The following NT5C3A variants were observed in gnomAD, a reference collection of about 807,000 sequenced individuals.
NT5C3A encodes the protein cytosolic 5'-nucleotidase 3A.
Under a neutral mutation model 40.0 loss-of-function variants are expected in NT5C3A, and 23 were observed. The observed-to-expected ratio is 0.58, with a 90% CI of 0.41 to 0.81. NT5C3A has a LOEUF of 0.81. NT5C3A is among the 40% of genes least tolerant of loss of function. The pLI is 0.00. For synonymous variants in NT5C3A, 130 were observed against 141.4 expected (o/e 0.92, Z 0.57); for missense variants, 328 against 403.0 (o/e 0.81, Z 1.59).
rs1188680099 is a variant in NT5C3A, at chr7:33,062,627, C to A, written c.79G>T (p.Ala27Ser). 5.6e-6 allele frequency: 9 copies of A among 1,605,860 alleles called. No individual in the cohort carries two copies. The highest frequency in any genetic ancestry group is 7.6e-6 in the Non-Finnish European group (9 of 1,177,058). ...VCALVAGVVL[A>S]QYIFTLKRKT... ...CTCTTCAAGGTGAATATGTACTGAGCCAGCACCACCCCCGCCACCAGGGCG... is the reference window on the plus strand; with the variant it reads ...CTCTTCAAGGTGAATATGTACTGAGACAGCACCACCCCCGCCACCAGGGCG... Residue 27 changes from alanine to serine, a missense_variant, in exon 1 of 9, where the codon GCT becomes TCT. By Grantham distance (99) the Ala-to-Ser change is moderately conservative. Coordinates refer to ENST00000610140, the MANE Select transcript of NT5C3A (RefSeq NM_001002010.5).
chr7:33,050,612 C>T (rs978077660), intron 1 of NT5C3A, among the ~76,000 whole-genome samples: 1 of 152,218 alleles, frequency 6.6e-6, no homozygotes, highest in African/African-American at 2.4e-5. Flanking sequence ...ATCTTGCAAG[C>T]ACTGGCTCTC....
chr7:33,016,678 A>G (rs1046248246), intron 7 of NT5C3A, among the ~76,000 whole-genome samples: 2 of 151,824 alleles, frequency 1.3e-5, no homozygotes, highest in Non-Finnish European at 2.9e-5. Context: ...TCAAAAAAAA[A>G]AAAAAAAAAG....
At chr7:33,047,618 T>C (rs977730250) in intron 1 of NT5C3A, among the ~76,000 whole-genome samples, 1 of 152,092 alleles carries the variant, frequency 6.6e-6, no homozygotes, top group Non-Finnish European at 1.5e-5. Context: ...TAAACAATCT[T>C]GATTTAAAAC....
At chr7:33,051,442 G>A (rs982565078) in intron 1 of NT5C3A, among the ~76,000 whole-genome samples, 6 of 152,156 alleles carry the variant, frequency 3.9e-5, no homozygotes, top group African/African-American at 1.4e-4. Context: ...GATTATAGGC[G>A]TTAGCTACCA....
intron 1 of NT5C3A, chr7:33,029,565 T>A: frequency 3.6e-6 from 3 of 836,374 alleles, no homozygotes; most frequent in Non-Finnish European, 5.2e-6. Flanking sequence ...AGGATATATA[T>A]CATAGACTAT....
intron 1 of NT5C3A, among the ~76,000 whole-genome samples, chr7:33,032,440 A>AATAAT (rs1554291429): frequency 6.7e-5 from 10 of 149,702 alleles, no homozygotes; most frequent in Non-Finnish European, 1.3e-4. Flanking sequence ...AAAAAAAAAA[A>AATAAT]AATTTACTTT....
intron 1 of NT5C3A, among the ~76,000 whole-genome samples, chr7:33,057,108 C>T (rs773819892): frequency 6.6e-5 from 10 of 152,244 alleles, no homozygotes; most frequent in East Asian, 1.9e-4. Flanking sequence ...CCACCGCACC[C>T]GGCCCTTTTT....
chr7:33,014,689 A>G lies in NT5C3A; in HGVS notation c.*41T>C, dbSNP rs756269845. On this transcript the variant is annotated 3_prime_UTR_variant, in exon 9 of 9. Coordinates refer to ENST00000610140, the MANE Select transcript of NT5C3A (RefSeq NM_001002010.5). ...GCAAGATGAACGGATGAACAGTTCA[A>G]TTGCACCCACAGGAGAGAGGTCTTC... The G allele has an allele frequency of 7.5e-6, 12 of 1,592,612 alleles. No individual in the cohort carries two copies. In the East Asian group the frequency reaches 2.0e-4, roughly 27 times the overall value.
chr7:33,033,717 A>C (rs6462449), intron 1 of NT5C3A, among the ~76,000 whole-genome samples: 109,821 of 151,584 alleles, frequency 0.72, 40,061 homozygotes, highest in African/African-American at 0.79. Flanking sequence ...GGAGGAATCA[A>C]AGTGCAGGGT....
intron 6 of NT5C3A, among the ~76,000 whole-genome samples, chr7:33,018,222 GA>G (rs765653592): frequency 3.9e-5 from 6 of 152,132 alleles, no homozygotes; most frequent in Non-Finnish European, 7.3e-5. Context: ...TATGAAGAAT[GA>G]CTTGATATTC....
In NT5C3A at chr7:33,062,600, T is replaced by C; in HGVS notation, c.106A>G (p.Lys36Glu). 6.2e-7 allele frequency: 1 copy of C among 1,610,056 alleles called. No individual in the cohort carries two copies. Among genetic ancestry groups the C allele is most frequent in the Non-Finnish European group, 8.5e-7 (1 of 1,178,934 alleles). ...ATGATCTTGGTCTTCCGCCCCGTCT[T>C]CCTCTTCAAGGTGAATATGTACTGA... ...LAQYIFTLKR[K>E]TGRKTKIIEM... Residue 36 changes from lysine to glutamate, a missense_variant, in exon 1 of 9, where the codon AAG (lysine) becomes GAG (glutamate). By Grantham distance (56) the Lys-to-Glu change is moderately conservative. Coordinates refer to ENST00000610140, the MANE Select transcript of NT5C3A (RefSeq NM_001002010.5).
chr7:33,055,669 G>A (rs189740584), intron 1 of NT5C3A, among the ~76,000 whole-genome samples: 9 of 152,330 alleles, frequency 5.9e-5, no homozygotes, highest in African/African-American at 2.2e-4. Flanking sequence ...AAATGTCAAA[G>A]ACCTATGCCT....
At chr7:33,024,195 T>G in intron 2 of NT5C3A, 87 bp from the exon 3 acceptor site, 1 of 749,536 alleles carries the variant, frequency 1.3e-6, no homozygotes, top group Non-Finnish European at 2.4e-6. Flanking sequence ...TACTTCATGC[T>G]TTCCTAGATG....
intron 1 of NT5C3A, among the ~76,000 whole-genome samples, chr7:33,031,119 A>AC (rs1483353406): frequency 1.3e-5 from 2 of 151,098 alleles, no homozygotes; most frequent in African/African-American, 2.4e-5. Context: ...AAAAAAAAAA[A>AC]AAAGAGAGAA....
chr7:33,048,884 A>G (rs539318949), intron 1 of NT5C3A, among the ~76,000 whole-genome samples: 1 of 152,224 alleles, frequency 6.6e-6, no homozygotes, highest in South Asian at 2.1e-4. Context: ...TGAGGGCTCA[A>G]ATGGAATATT....
chr7:33,036,358 TC>T, intron 1 of NT5C3A: 1 of 293,616 alleles, frequency 3.4e-6, no homozygotes, highest in South Asian at 3.6e-5. Context: ...CGTGGGTGGC[TC>T]CAGTAGGGCT....
At chr7:33,047,044 C>G (rs1481672257) in intron 1 of NT5C3A, among the ~76,000 whole-genome samples, 1 of 149,442 alleles carries the variant, frequency 6.7e-6, no homozygotes, top group African/African-American at 2.5e-5. Context: ...TATGCTCAAG[C>G]GATCCTCTCA....
intron 4 of NT5C3A, 102 bp from the exon 5 acceptor site, chr7:33,021,459 G>C: frequency 7.2e-7 from 1 of 1,396,898 alleles, no homozygotes. Context: ...TCAACAAACT[G>C]CTTTAAAAGT....
In NT5C3A at chr7:33,053,683, TGAAA is replaced by T. The variant is rs557024957; in HGVS notation, c.138+8881_138+8884del. On this transcript the variant is annotated intron_variant, in intron 1 of 8. Coordinates refer to ENST00000610140, the MANE Select transcript of NT5C3A (RefSeq NM_001002010.5). ...TTCTTAAAATAAATAAATAAATGAC[TGAAA>T]GAAAGAAAGAAAGAAGTAATGGCTT... 5.9e-5 allele frequency among the ~76,000 whole-genome samples: 9 copies of T among 151,466 alleles called. No individual in the cohort carries two copies. In the South Asian group the frequency reaches 6.3e-4, roughly 11 times the overall value.
Sources: gnomAD v4.1 joint callset for allele counts (sites outside exome capture counted in the v4.1 genomes callset) on GRCh38, gnomAD v4.1.1 for gene constraint, MANE v1.5 for transcripts, NCBI Gene and HGNC (gene_info 2026-07-23, HGNC 2026-07-21) for gene names.